The following USP53 variants were observed in gnomAD, a reference collection of about 807,000 sequenced individuals.
The protein encoded by USP53 is ubiquitin specific peptidase 53, also known as ubiquitin carboxyl-terminal hydrolase 53.
In USP53, 71 loss-of-function variants were observed where a neutral mutation model predicts 94.9. The ratio of observed to expected loss-of-function variants is 0.75; its 90% CI spans 0.62 to 0.91. USP53 has a LOEUF of 0.91. Ranked by LOEUF, USP53 falls within the 40% of genes least tolerant of loss-of-function variation. The pLI is 0.00. For synonymous variants in USP53, 375 were observed against 422.7 expected (o/e 0.89, Z 1.39); for missense variants, 1,173 against 1,281.0 (o/e 0.92, Z 1.29).
rs572349283 is a variant in USP53 at position 119,243,263 on chromosome 4, C to A, written c.145-2074C>A. On this transcript the variant is annotated intron_variant, in intron 5 of 18. Transcript: ENST00000692078. ...CTGTAATCCTAGCACTTTGGGAGGC[C>A]AAGGTGGGTGGATCACTTGAGGCCA... Among the ~76,000 whole-genome samples the A allele has an allele frequency of 8.5e-5, 13 of 152,118 alleles. No homozygotes were observed. The East Asian group carries it at 2.3e-3, about 27-fold the overall frequency.
chr4:119,254,738 C>T (rs1233247383), intron 7 of USP53, among the ~76,000 whole-genome samples: 4 of 152,142 alleles, frequency 2.6e-5, no homozygotes, highest in South Asian at 2.1e-4. Context: ...TCTTCAAACT[C>T]GTTCTCCGAC....
intron 17 of USP53, among the ~76,000 whole-genome samples, 197 bp from the exon 18 acceptor site, chr4:119,290,968 A>G (rs1754689488): frequency 1.3e-5 from 2 of 152,186 alleles, no homozygotes; most frequent in Admixed American, 1.3e-4. Flanking sequence ...AACTGAAGAA[A>G]TTTTGCATAA....
At chr4:119,254,712 G>A (rs1749521556) in intron 7 of USP53, among the ~76,000 whole-genome samples, 1 of 152,158 alleles carries the variant, frequency 6.6e-6, no homozygotes, top group African/African-American at 2.4e-5. Flanking sequence ...ACCTTCTGAA[G>A]CCTACTTCTG....
chr4:119,266,455 T>C, intron 12 of USP53: 1 of 416,722 alleles, frequency 2.4e-6, no homozygotes, highest in East Asian at 7.1e-5. Flanking sequence ...CAGCAGCACT[T>C]CGTGTTGGTA....
At chr4:119,267,756 AT>A (rs1424381812) in intron 13 of USP53, among the ~76,000 whole-genome samples, 1 of 152,206 alleles carries the variant, frequency 6.6e-6, no homozygotes, top group Non-Finnish European at 1.5e-5. Flanking sequence ...ATTTTAAGTG[AT>A]TTAGTAAACT....
intron 5 of USP53, among the ~76,000 whole-genome samples, chr4:119,242,729 C>CAAAAA (rs1747707684): frequency 6.6e-6 from 1 of 152,122 alleles, no homozygotes; most frequent in Non-Finnish European, 1.5e-5. Context: ...AACAACTATT[C>CAAAAA]AAATAGATTT....
chr4:119,288,799 G>A (rs112284112), intron 17 of USP53, among the ~76,000 whole-genome samples: 17 of 152,142 alleles, frequency 1.1e-4, no homozygotes, highest in East Asian at 5.8e-4. Context: ...TTAGCCAGGC[G>A]TGGTGGCGCA....
Position 119,271,631 on chromosome 4 carries a change from T to C in USP53, c.1771T>C (p.Leu591=). 6.2e-7 allele frequency: 1 copy of C among 1,613,796 alleles called. No homozygotes were observed. Among genetic ancestry groups the C allele is most frequent in the Non-Finnish European group, 8.5e-7 (1 of 1,180,002 alleles). Residue 591 remains leucine, a synonymous_variant, in exon 16 of 19, where the codon TTA becomes CTA. Transcript: ENST00000692078. ...AGGTTGGAAACCTATGAGAGAAACA[T>C]TAAATGTTGATAGTATTTTTAGTGA... The part of the protein sequence containing the change: ...NRGWKPMRET[L]NVDSIFSESE...
At chr4:119,265,696 A>G (rs1667245337) in intron 12 of USP53, among the ~76,000 whole-genome samples, 1 of 151,860 alleles carries the variant, frequency 6.6e-6, no homozygotes, top group African/African-American at 2.4e-5. Flanking sequence ...AACAACAACA[A>G]CAAAACAAAT....
intron 14 of USP53, among the ~76,000 whole-genome samples, chr4:119,268,957 A>G (rs1397089448): frequency 1.3e-5 from 2 of 152,218 alleles, no homozygotes; most frequent in East Asian, 1.9e-4. Context: ...AAATACATCT[A>G]ACTCTTGTGT....
Position 119,239,740 on chromosome 4 carries a change from G to A in USP53, c.-20G>A. On this transcript the variant is annotated 5_prime_UTR_variant, in exon 5 of 19. An upstream start codon of the reference 5' UTR is lost. Transcript: ENST00000692078. ...AAAGTGTACAGTTTTTAGCCTAAAT[G>A]CAAACAAAGTTGCTTGAAAATGGCA... is the stretch of plus-strand genomic sequence containing the variant. 1 of 1,597,162 alleles carries A rather than the reference G, an allele frequency of 6.3e-7. No individual in the cohort carries two copies.
chr4:119,292,278 C>G, intron 18 of USP53, 60 bp from the exon 19 acceptor site: 1 of 1,437,880 alleles, frequency 7.0e-7, no homozygotes, highest in Non-Finnish European at 9.2e-7. Context: ...TGTTTATTTT[C>G]CCCTAGTTTC....
At chr4:119,243,025 G>T (rs536196112) in intron 5 of USP53, among the ~76,000 whole-genome samples, 1 of 151,812 alleles carries the variant, frequency 6.6e-6, no homozygotes, top group South Asian at 2.1e-4. Flanking sequence ...TGATCTTTTG[G>T]GAATAATATA....
chr4:119,259,810 T>A lies in USP53; in HGVS notation c.570-10T>A, dbSNP rs762838782. ...ATAGGCCAGATTTGGGATTGCTTCT[T>A]TTTTTGTAGCAATGAGGTTGAAAGA... On this transcript the variant is annotated splice_polypyrimidine_tract_variant and intron_variant, in intron 9 of 18. Coordinates refer to ENST00000692078, the MANE Select transcript of USP53 (RefSeq NM_001371395.1). 67 of 1,603,614 alleles carry A rather than the reference T, an allele frequency of 4.2e-5. No individual in the cohort carries two copies. The highest frequency in any genetic ancestry group is 4.2e-5 in the Non-Finnish European group (49 of 1,175,646).
intron 5 of USP53, among the ~76,000 whole-genome samples, chr4:119,243,375 G>A (rs1194566788): frequency 6.6e-6 from 1 of 152,110 alleles, no homozygotes; most frequent in Non-Finnish European, 1.5e-5. Flanking sequence ...GCAGGCACCT[G>A]TAGTTCCAGC....
rs989017883 is a variant in USP53 at position 119,260,777 on chromosome 4, T to G, written c.822+124T>G. 1.0e-5 allele frequency: 11 copies of G among 1,069,358 alleles called. No individual in the cohort carries two copies. In the African/African-American group the frequency reaches 1.7e-4, roughly 17 times the overall value. 66.2% of individuals were successfully genotyped at this position (1,069,358 alleles called of 1,614,324 possible). On this transcript the variant is annotated intron_variant, in intron 11 of 18. Transcript: ENST00000692078. The stretch of plus-strand genomic sequence containing the variant: ...GGCTAACTGGAATGCCTTTACTACA[T>G]AGACTAGGAATGGCTTTCAATTACA...
At chr4:119,245,197 T>C (rs1323761359) in intron 5 of USP53, 140 bp from the exon 6 acceptor site, 6 of 665,418 alleles carry the variant, frequency 9.0e-6, no homozygotes, top group African/African-American at 5.4e-5. Flanking sequence ...CCAGTGGTTA[T>C]GTGTGTCTGA....
chr4:119,229,168 G>T (rs1326408104), intron 3 of USP53, among the ~76,000 whole-genome samples: 1 of 152,172 alleles, frequency 6.6e-6, no homozygotes, highest in African/African-American at 2.4e-5. Context: ...GCTATCTGTT[G>T]TCATCCATCC....
rs1241066619 is a variant in USP53 at position 119,261,837 on chromosome 4, A to G, written c.945A>G (p.Val315=). ...FAFHTKSSKW[V]FFDDANVKEI... is the part of the protein sequence containing the mutation. ...TTCACACCAAAAGTTCCAAATGGGT[A>G]TTTTTTGATGATGCAAATGTGAAAG... Residue 315 remains valine (V), a synonymous_variant, in exon 12 of 19, where the codon GTA becomes GTG. Coordinates refer to ENST00000692078, the MANE Select transcript of USP53 (RefSeq NM_001371395.1). The G allele has an allele frequency of 6.7e-7, 1 of 1,488,518 alleles. No individual in the cohort carries two copies. The highest frequency in any genetic ancestry group is 9.1e-7 in the Non-Finnish European group (1 of 1,099,752). The allele number at this position is 1,488,518 out of a possible 1,614,324, so 92.2% of individuals were successfully genotyped here.
Sources: gnomAD v4.1 joint callset for allele counts (sites outside exome capture counted in the v4.1 genomes callset) on GRCh38, gnomAD v4.1.1 for gene constraint, MANE v1.5 for transcripts, NCBI Gene and HGNC (gene_info 2026-07-23, HGNC 2026-07-21) for gene names.